Variants in TMEM181 observed in about 807,000 individuals in gnomAD.
The protein encoded by TMEM181 is G protein-coupled receptor 178.
A neutral mutation model predicts 71.9 loss-of-function variants in TMEM181; 39 were observed. The ratio of observed to expected loss-of-function variants is 0.54; its 90% confidence interval spans 0.42 to 0.71. The LOEUF (loss-of-function observed/expected upper bound fraction) is 0.71, where lower values mean the gene tolerates loss of function less well. Ranked by LOEUF, TMEM181 falls within the 30% of genes least tolerant of loss-of-function variation. The pLI is 0.00. For missense variants in TMEM181, 595 were observed against 583.0 expected (o/e 1.02, Z -0.21); for synonymous variants, 245 against 228.8 (o/e 1.07, Z -0.64).
At chr6:158,547,957 T>C (rs1484334867) in intron 1 of TMEM181, among the ~76,000 whole-genome samples, 1 of 148,768 alleles carries the variant, frequency 6.7e-6, no homozygotes, top group Non-Finnish European at 1.5e-5. Flanking sequence ...AGAGAAGCAG[T>C]TCCCAGCCTC....
chr6:158,596,502 A>G (rs777368011), intron 6 of TMEM181, among the ~76,000 whole-genome samples: 1 of 152,160 alleles, frequency 6.6e-6, no homozygotes, highest in Non-Finnish European at 1.5e-5. Flanking sequence ...TGGCTCTGAT[A>G]AAAGAGCACC....
At chr6:158,565,110 TC>T (rs1206331450) in intron 1 of TMEM181, among the ~76,000 whole-genome samples, 1 of 152,196 alleles carries the variant, frequency 6.6e-6, no homozygotes, top group Non-Finnish European at 1.5e-5. Context: ...GGTGCTGGCT[TC>T]CCTCACATCT....
At chr6:158,549,869 T>C (rs900195768) in intron 1 of TMEM181, among the ~76,000 whole-genome samples, 3 of 152,018 alleles carry the variant, frequency 2.0e-5, no homozygotes, top group Non-Finnish European at 2.9e-5. Context: ...GTAGAGTCTT[T>C]TGTGATAGTT....
intron 6 of TMEM181, among the ~76,000 whole-genome samples, chr6:158,592,565 C>T (rs929780303): frequency 1.3e-5 from 2 of 151,952 alleles, no homozygotes; most frequent in Admixed American, 6.6e-5. Context: ...ATCTGCCTCC[C>T]GGGTTCAGGC....
At chr6:158,626,960 A>ACCCTCACCCT (rs1163677954) in intron 13 of TMEM181, among the ~76,000 whole-genome samples, 1 of 68,088 alleles carries the variant, frequency 1.5e-5, no homozygotes, top group Non-Finnish European at 3.2e-5. Flanking sequence ...ACCCTCACTC[A>ACCCTCACCCT]CACCCTCTCA....
intron 1 of TMEM181, among the ~76,000 whole-genome samples, chr6:158,550,492 C>G (rs1263336061): frequency 2.6e-5 from 4 of 151,720 alleles, no homozygotes; most frequent in Non-Finnish European, 4.4e-5. Flanking sequence ...CCCATCTCTA[C>G]TGAAAATAGA....
chr6:158,611,519 G>T, intron 10 of TMEM181: 1 of 497,474 alleles, frequency 2.0e-6, no homozygotes, highest in South Asian at 1.5e-5. Flanking sequence ...AAGAGTTCAT[G>T]GAGTTACGAG....
chr6:158,550,812 T>A (rs1192700516), intron 1 of TMEM181, among the ~76,000 whole-genome samples: 1 of 146,604 alleles, frequency 6.8e-6, no homozygotes, highest in Non-Finnish European at 1.5e-5. Context: ...AACTTGAAGC[T>A]AATGCACAGA....
At chr6:158,626,805 A>C (rs531297801) in intron 13 of TMEM181, 161 of 454,002 alleles carry the variant, frequency 3.5e-4, no homozygotes, top group African/African-American at 3.0e-3. Context: ...CTTCACTCAC[A>C]ACTGACCCAC....
At position 158,536,921 on chromosome 6, in the gene TMEM181, C is replaced by T. The variant is rs1377484051; in HGVS notation, c.131+56C>T. On this transcript the variant is annotated intron_variant, in intron 1 of 16. Coordinates refer to the TMEM181 transcript ENST00000367090. The stretch of plus-strand genomic sequence containing the variant: ...CCGGAGGCTTCCGGGCCGCAGTCCC[C>T]TCCGGGACCCCGGCGCGCCCCGGCC... The T allele has an allele frequency of 4.1e-6, 5 of 1,217,218 alleles. No homozygotes were observed. In the African/African-American group the frequency reaches 4.7e-5, roughly 11 times the overall value. The allele number at this position is 1,217,218 out of a possible 1,614,324, so 75.4% of individuals were successfully genotyped here. A position where few individuals can be genotyped will look rare whatever the true frequency, so the allele number is the denominator to read the frequency against.
chr6:158,589,630 G>C, intron 5 of TMEM181, 42 bp from the exon 6 acceptor site: 2 of 1,500,916 alleles, frequency 1.3e-6, no homozygotes, highest in African/African-American at 2.7e-5. Flanking sequence ...GGGAGCGTGA[G>C]TCTCGCTTTC....
At chr6:158,625,044 T>G (rs6905898) in intron 11 of TMEM181, 60 bp from the exon 12 acceptor site, 770,662 of 1,301,836 alleles carry the variant, frequency 0.59, 231,957 homozygotes, top group African/African-American at 0.79. Flanking sequence ...GTGGTGGTGC[T>G]GGGAGGAGAA....
chr6:158,576,329 A>C (rs1783152423), intron 2 of TMEM181, among the ~76,000 whole-genome samples: 1 of 152,232 alleles, frequency 6.6e-6, no homozygotes, highest in African/African-American at 2.4e-5. Context: ...GATAGTAGGC[A>C]TCTGTGCTCT....
chr6:158,578,626 T>C (rs1223952122), intron 2 of TMEM181, among the ~76,000 whole-genome samples: 2 of 152,202 alleles, frequency 1.3e-5, no homozygotes, highest in African/African-American at 2.4e-5. Context: ...GTTAAGCTGG[T>C]ATAAATTTAG....
chr6:158,564,648 CA>C (rs1782383980), intron 1 of TMEM181, among the ~76,000 whole-genome samples: 1 of 152,170 alleles, frequency 6.6e-6, no homozygotes. Flanking sequence ...TTTATGATTC[CA>C]CCCGCACCTG....
intron 6 of TMEM181, among the ~76,000 whole-genome samples, chr6:158,603,896 A>C (rs1026508161): frequency 1.3e-5 from 2 of 151,994 alleles, no homozygotes; most frequent in African/African-American, 2.4e-5. Context: ...AATATCCCTG[A>C]GCTTTGTTCT....
intron 3 of TMEM181, among the ~76,000 whole-genome samples, chr6:158,582,258 A>G (rs930179381): frequency 1.3e-5 from 2 of 152,110 alleles, no homozygotes; most frequent in African/African-American, 2.4e-5. Flanking sequence ...TCTGTCTCTC[A>G]GGGTGTGAGT....
chr6:158,543,820 G>A (rs1781434790), intron 1 of TMEM181, among the ~76,000 whole-genome samples: 1 of 152,144 alleles, frequency 6.6e-6, no homozygotes, highest in African/African-American at 2.4e-5. Flanking sequence ...CATCTTTTTG[G>A]GGACACAAGC....
chr6:158,611,475 G>A (rs572111864), intron 10 of TMEM181: 8 of 530,964 alleles, frequency 1.5e-5, no homozygotes, highest in African/African-American at 5.8e-5. Context: ...TTCCTCAGTC[G>A]TATCATTCTG....
Sources: allele counts gnomAD v4.1 joint callset (sites outside exome capture counted in the v4.1 genomes callset), GRCh38; gene constraint gnomAD v4.1.1; transcripts MANE v1.5; gene names NCBI Gene and HGNC (gene_info 2026-07-23, HGNC 2026-07-21).